The following SCN1A variants were observed in gnomAD, a reference collection of about 807,000 sequenced individuals.
The protein encoded by SCN1A is sodium channel protein type 1 subunit alpha.
A neutral mutation model predicts 193.7 loss-of-function variants in SCN1A; 13 were observed. The observed-to-expected ratio is 0.07, with a 90% confidence interval of 0.04 to 0.11. The LOEUF is 0.11. Among genes scored for constraint, SCN1A ranks in the 10% least tolerant of loss-of-function variants. SCN1A has a pLI of 1.00. For synonymous variants in SCN1A, 781 were observed against 843.6 expected (o/e 0.93, Z 1.29); for missense variants, 1,432 against 2,451.1 (o/e 0.58, Z 8.78).
Position 165,991,847 on chromosome 2 carries a change from C to G in SCN1A, c.5428G>C (p.Glu1810Gln). 6.2e-7 allele frequency: 1 copy of G among 1,613,952 alleles called. No individual in the cohort carries two copies. The highest frequency in any genetic ancestry group is 8.5e-7 in the Non-Finnish European group (1 of 1,179,920). ...TCGGGATCAAACTTCTCCCAAACCT[C>G]ATAGAACATCTCAAAGTCATCCTCA... The part of the protein sequence containing the change: ...LSEDDFEMFY[E>Q]VWEKFDPDAT... Residue 1810 changes from glutamate (E) to glutamine (Q), a missense_variant, in exon 29 of 29, where the codon GAG (glutamate) becomes CAG (glutamine). This residue lies in a region of SCN1A where 59 missense variants were observed against 110.6 expected (regional missense o/e 0.53). Coordinates refer to ENST00000674923, the MANE Select transcript of SCN1A (RefSeq NM_001165963.4).
chr2:166,101,277 C>T (rs1235606765), intron 2 of SCN1A, among the ~76,000 whole-genome samples: 1 of 148,156 alleles, frequency 6.7e-6, no homozygotes, highest in Admixed American at 6.9e-5. Context: ...CCAAACACCG[C>T]ATATTCTCAC....
rs183639704 is a variant in SCN1A, at chr2:166,030,765, C to G, written c.3429+5283G>C. ...CTCTTAATCTAGTATCCATATAAATCAACCAAACCTCAAAAAATTATTGGG... is the reference window on the plus strand; with the variant it reads ...CTCTTAATCTAGTATCCATATAAATGAACCAAACCTCAAAAAATTATTGGG... On this transcript the variant is annotated intron_variant, in intron 19 of 28. Transcript: ENST00000674923. Among the ~76,000 whole-genome samples the G allele has an allele frequency of 5.7e-3, 862 of 152,058 alleles. 9 individuals carry two copies. The highest frequency in any genetic ancestry group is 0.02 in the African/African-American group (837 of 41,490).
At chr2:166,086,102 A>G (rs999747521) in intron 2 of SCN1A, among the ~76,000 whole-genome samples, 1 of 152,194 alleles carries the variant, frequency 6.6e-6, no homozygotes, top group East Asian at 1.9e-4. Flanking sequence ...AAAGGATCCC[A>G]GAGTAACCTT....
At chr2:166,102,255 G>C (rs1234232383) in intron 2 of SCN1A, among the ~76,000 whole-genome samples, 1 of 152,204 alleles carries the variant, frequency 6.6e-6, no homozygotes, top group African/African-American at 2.4e-5. Context: ...CCAGCACTTT[G>C]GGAGGTTGAG....
At position 165,986,281 on chromosome 2, in the gene SCN1A, G is replaced by A. The variant is rs189550428; in HGVS notation, c.*4964C>T. On this transcript the variant is annotated 3_prime_UTR_variant, in exon 29 of 29. Transcript: ENST00000674923. ...TTCTTAATTTTCTGGCTTAACTATA[G>A]ACATATGAAAACCTTGTCATAAGGG... The A allele has an allele frequency of 1.3e-5, 2 of 152,104 alleles. No individual in the cohort carries two copies. Among genetic ancestry groups the A allele is most frequent in the African/African-American group, 4.8e-5 (2 of 41,510 alleles). The allele number at this position is 152,104 out of a possible 1,614,324, so 9.4% of individuals were successfully genotyped here. A position where few individuals can be genotyped will look rare whatever the true frequency, so the allele number is the denominator to read the frequency against.
At chr2:166,107,166 G>T (rs1688784270) in intron 2 of SCN1A, among the ~76,000 whole-genome samples, 1 of 152,092 alleles carries the variant, frequency 6.6e-6, no homozygotes, top group East Asian at 1.9e-4. Flanking sequence ...GCACTTTTCT[G>T]AAACAAAAAG....
intron 2 of SCN1A, chr2:166,092,645 C>G (rs1341364912): frequency 1.3e-5 from 2 of 152,148 alleles, no homozygotes; most frequent in African/African-American, 4.8e-5. Flanking sequence ...GGATTAAAGG[C>G]ATGAGCCACC....
At chr2:166,102,561 G>T (rs866610815) in intron 2 of SCN1A, among the ~76,000 whole-genome samples, 3 of 151,382 alleles carry the variant, frequency 2.0e-5, no homozygotes, top group Non-Finnish European at 4.4e-5. Context: ...ATGTTGGCAA[G>T]GTTGTGGGGA....
intron 2 of SCN1A, among the ~76,000 whole-genome samples, chr2:166,100,745 AAC>A (rs1687956618): frequency 7.8e-6 from 1 of 128,520 alleles, no homozygotes; most frequent in African/African-American, 3.0e-5. Flanking sequence ...GCAGCCAAAA[AAC>A]ACATGAAAAA....
At chr2:166,125,887 C>T (rs942088033) in intron 2 of SCN1A, among the ~76,000 whole-genome samples, 2 of 152,078 alleles carry the variant, frequency 1.3e-5, no homozygotes, top group Non-Finnish European at 2.9e-5. Flanking sequence ...CAAGAGGGGG[C>T]ATGTAAACCA....
At chr2:166,039,784 G>A (rs1308856582) in intron 16 of SCN1A, among the ~76,000 whole-genome samples, 188 bp from the exon 17 acceptor site, 3 of 152,020 alleles carry the variant, frequency 2.0e-5, no homozygotes, top group Admixed American at 6.6e-5. Flanking sequence ...TTGTGGAAAC[G>A]CGAAGTAGAT....
intron 5 of SCN1A, 35 bp from the exon 6 acceptor site, chr2:166,056,535 C>A (rs1303146673): frequency 2.8e-6 from 4 of 1,442,982 alleles, no homozygotes; most frequent in South Asian, 2.3e-5. Flanking sequence ...AAAAGAAAAT[C>A]AAAATCCAAG....
In SCN1A at chr2:166,039,461, T is replaced by C. The variant is rs1450206187; in HGVS notation, c.2551A>G (p.Asn851Asp). 9 of 1,613,348 alleles carry C rather than the reference T, an allele frequency of 5.6e-6. No homozygotes were observed. The highest frequency in any genetic ancestry group is 7.6e-6 in the Non-Finnish European group (9 of 1,179,830). ...CGGAGAACAGATAATCCTTCCACATTGGCGAGTCCAAGTTCTACCAGGCTA... is the reference window on the plus strand; with the variant it reads ...CGGAGAACAGATAATCCTTCCACATCGGCGAGTCCAAGTTCTACCAGGCTA... Reference protein sequence around the residue: ...TLSLVELGLANVEGLSVLRSF... With the variant: ...TLSLVELGLADVEGLSVLRSF... Residue 851 changes from asparagine (N) to aspartate (D), a missense_variant, in exon 17 of 29, where the codon AAT (asparagine) becomes GAT (aspartate). Physicochemically the swap from Asn to Asp is conservative, Grantham distance 23. Transcript: ENST00000674923.
At chr2:166,006,468 G>A (rs1314145368) in intron 23 of SCN1A, among the ~76,000 whole-genome samples, 1 of 151,358 alleles carries the variant, frequency 6.6e-6, no homozygotes, top group Non-Finnish European at 1.5e-5. Flanking sequence ...TTAGTTGGGA[G>A]TTACTTATTC....
upstream of SCN1A, among the ~76,000 whole-genome samples, chr2:166,130,228 T>C (rs1343085000): frequency 6.6e-6 from 1 of 152,208 alleles, no homozygotes; most frequent in Non-Finnish European, 1.5e-5. Context: ...TTGCCAGTAC[T>C]GCATCTATCA....
Position 165,991,920 on chromosome 2 carries a change from G to A in SCN1A, c.5355C>T (p.Ile1785=). 1 of 1,613,880 alleles carries A rather than the reference G, an allele frequency of 6.2e-7. No homozygotes were observed. The highest frequency in any genetic ancestry group is 1.7e-5 in the Admixed American group (1 of 59,966). Residue 1785 remains isoleucine, a synonymous_variant, in exon 29 of 29, where the codon ATC becomes ATT. Transcript: ENST00000674923. ...CAGTAGCAACACTGAAGTTCTCCAG[G>A]ATGACCGCGATGTACATGTTCACCA... ...LVVVNMYIAV[I]LENFSVATEE...
chr2:166,047,909 A>C, intron 10 of SCN1A, 141 bp from the exon 11 acceptor site: 1 of 1,049,034 alleles, frequency 9.5e-7, no homozygotes, highest in East Asian at 2.5e-5. Context: ...CTATTTCCCA[A>C]CTTTTGACTG....
chr2:166,054,154 G>T (rs1320931773), intron 7 of SCN1A, among the ~76,000 whole-genome samples: 1 of 151,888 alleles, frequency 6.6e-6, no homozygotes, highest in Non-Finnish European at 1.5e-5. Context: ...CTCTTAGTTT[G>T]ATTTGTCAGA....
At chr2:166,074,012 G>A (rs996560917) in intron 3 of SCN1A, among the ~76,000 whole-genome samples, 2 of 152,154 alleles carry the variant, frequency 1.3e-5, no homozygotes, top group Admixed American at 6.5e-5. Flanking sequence ...GAGACTGTGC[G>A]TATAAAGGCA....
Sources: allele counts gnomAD v4.1 joint callset (sites outside exome capture counted in the v4.1 genomes callset), GRCh38; gene constraint gnomAD v4.1.1; regional missense constraint gnomAD v4.1.1; transcripts MANE v1.5; gene names NCBI Gene and HGNC (gene_info 2026-07-23, HGNC 2026-07-21).